The following PCDHA7 variants were observed in gnomAD, a reference collection of about 807,000 sequenced individuals.
PCDHA7 encodes the protein protocadherin alpha 7.
PCDHA7 carries 37 observed loss-of-function variants against 57.2 expected under a neutral mutation model. The ratio of observed to expected loss-of-function variants is 0.65; its 90% CI spans 0.50 to 0.85. The LOEUF is 0.85. Ranked by LOEUF, PCDHA7 falls within the 40% of genes least tolerant of loss-of-function variation. The pLI is 0.00. For synonymous variants in PCDHA7, 553 were observed against 558.8 expected (o/e 0.99, Z 0.15); for missense variants, 1,188 against 1,241.8 (o/e 0.96, Z 0.65).
chr5:140,993,460 TCTCA>T (rs200310897), intron 3 of PCDHA7, among the ~76,000 whole-genome samples: 2,027 of 104,544 alleles, frequency 0.019, 23 homozygotes, highest in Admixed American at 0.035. Flanking sequence ...CTTCTTTCTT[TCTCA>T]CACACACACA....
rs147440301 is a variant in PCDHA7, at chr5:140,924,523, G to A, written c.2356-54426G>A. On this transcript the variant is annotated intron_variant, in intron 1 of 3. Transcript: ENST00000525929. ...AATCCCACTCTTAGTGTTAAAAAGA[G>A]AATGCCCGAGCTACCCCTCTCCCCA... is the stretch of plus-strand genomic sequence containing the variant. Among the ~76,000 whole-genome samples, 1,224 of 152,202 alleles carry A rather than the reference G, an allele frequency of 8.0e-3. 6 individuals carry two copies. The highest frequency in any genetic ancestry group is 0.019 in the African/African-American group (791 of 41,530).
intron 1 of PCDHA7, among the ~76,000 whole-genome samples, chr5:140,895,297 T>TC (rs1269688627): frequency 1.3e-5 from 2 of 152,118 alleles, no homozygotes; most frequent in African/African-American, 2.4e-5. Context: ...ACCTTCGATT[T>TC]CCCCCCTTCC....
intron 1 of PCDHA7, among the ~76,000 whole-genome samples, chr5:140,872,147 A>G (rs182622131): frequency 6.6e-6 from 1 of 152,118 alleles, no homozygotes; most frequent in East Asian, 1.9e-4. Flanking sequence ...CTCCATTAGT[A>G]TGACATGATT....
rs575381539 is a variant in PCDHA7, at chr5:140,952,919, T to TGAGCAG, written c.2356-26018_2356-26013dup. On this transcript the variant is annotated intron_variant, in intron 1 of 3. Coordinates refer to ENST00000525929, the MANE Select transcript of PCDHA7 (RefSeq NM_018910.3). ...GGAATCAAGCTCATCTTACATGGCA[T>TGAGCAG]GAGCAGGAGCAGGAGCAAGAGAGAG... 2.3e-3 allele frequency among the ~76,000 whole-genome samples: 343 copies of TGAGCAG among 152,172 alleles called. 1 individual carries two copies. Among genetic ancestry groups the TGAGCAG allele is most frequent in the African/African-American group, 7.9e-3 (326 of 41,516 alleles).
At chr5:140,871,117 G>T in intron 1 of PCDHA7, 2 of 1,613,286 alleles carry the variant, frequency 1.2e-6, no homozygotes, top group Non-Finnish European at 1.7e-6. Flanking sequence ...GGTGGAGAGC[G>T]GACAGGCGCC....
At chr5:140,969,058 TG>T in intron 1 of PCDHA7, 2 of 1,614,166 alleles carry the variant, frequency 1.2e-6, no homozygotes, top group Non-Finnish European at 1.7e-6. Context: ...ACAACAATAT[TG>T]ATGCCAGGAT....
intron 1 of PCDHA7, chr5:140,849,231 C>T (rs2040825064): frequency 9.5e-7 from 1 of 1,049,088 alleles, no homozygotes; most frequent in Admixed American, 2.7e-5. Context: ...CGACAGAACC[C>T]TGTATACGGT....
chr5:140,884,737 T>C (rs1554181872), intron 1 of PCDHA7: 1 of 1,443,634 alleles, frequency 6.9e-7, no homozygotes, highest in Non-Finnish European at 9.1e-7. Context: ...AAGACATCTT[T>C]CCTGCCAATT....
At chr5:140,971,466 G>A (rs928383559) in intron 1 of PCDHA7, among the ~76,000 whole-genome samples, 2 of 152,144 alleles carry the variant, frequency 1.3e-5, no homozygotes, top group Non-Finnish European at 2.9e-5. Flanking sequence ...GCAGTTATAG[G>A]GAGAGAGTGT....
At chr5:140,843,632 G>T (rs2150363931) in intron 1 of PCDHA7, 1 of 1,595,968 alleles carries the variant, frequency 6.3e-7, no homozygotes, top group South Asian at 1.1e-5. Flanking sequence ...GGACCTCATG[G>T]CCTTCAGCCC....
Position 140,881,024 on chromosome 5 carries a change from A to G in PCDHA7, c.2355+44286A>G, listed in dbSNP as rs1330072249. Among the ~76,000 whole-genome samples the G allele has an allele frequency of 1.1e-4, 17 of 152,246 alleles. 1 individual carries two copies. Among genetic ancestry groups the G allele is most frequent in the Admixed American group, 5.2e-4 (8 of 15,290 alleles). ...GAGCAGAGCTATGGAAATAAACCCA[A>G]CAGTCATTTCCTATAGAGTTGTGCA... On this transcript the variant is annotated intron_variant, in intron 1 of 3. Coordinates refer to ENST00000525929, the MANE Select transcript of PCDHA7 (RefSeq NM_018910.3).
At chr5:140,983,885 T>C (rs74936593) in intron 3 of PCDHA7, among the ~76,000 whole-genome samples, 2,965 of 152,290 alleles carry the variant, frequency 0.019, 72 homozygotes, top group African/African-American at 0.056. Flanking sequence ...ACTGGCAACT[T>C]TAAGGGCATT....
At chr5:140,865,760 G>A (rs1470653142) in intron 1 of PCDHA7, 1 of 152,154 alleles carries the variant, frequency 6.6e-6, no homozygotes, top group African/African-American at 2.4e-5. Flanking sequence ...AGTACATGGT[G>A]GAGATATTAT....
chr5:140,843,381 T>C, intron 1 of PCDHA7: 1 of 1,596,090 alleles, frequency 6.3e-7, no homozygotes. Flanking sequence ...GCTGGCGTTT[T>C]GGGTCCGGAA....
intron 3 of PCDHA7, among the ~76,000 whole-genome samples, chr5:141,006,150 G>A (rs1035867146): frequency 1.1e-4 from 16 of 151,274 alleles, no homozygotes; most frequent in Admixed American, 6.6e-5. Flanking sequence ...AAGCAGAGGA[G>A]TGATATAATC....
chr5:140,877,867 T>A lies in PCDHA7; in HGVS notation c.2355+41129T>A, dbSNP rs782120587. 4.7e-6 allele frequency: 7 copies of A among 1,490,888 alleles called. No individual in the cohort carries two copies. The Admixed American group carries it at 1.7e-4, about 37-fold the overall frequency. 92.4% of individuals were successfully genotyped at this position (1,490,888 alleles called of 1,614,324 possible). A position where few individuals can be genotyped will look rare whatever the true frequency, so the allele number is the denominator to read the frequency against. On this transcript the variant is annotated intron_variant, in intron 1 of 3. Coordinates refer to ENST00000525929, the MANE Select transcript of PCDHA7 (RefSeq NM_018910.3). ...AAGTTATTAATATTATTTAGATATA[T>A]TTGTTTCCTTGAAGAACTTCCGTTT...
At chr5:140,908,422 C>T (rs1403455941) in intron 1 of PCDHA7, among the ~76,000 whole-genome samples, 1 of 152,176 alleles carries the variant, frequency 6.6e-6, no homozygotes, top group Non-Finnish European at 1.5e-5. Context: ...TGATGGAATG[C>T]TGCTGTGCGC....
chr5:140,973,242 ATTC>A (rs1295527172), intron 1 of PCDHA7, among the ~76,000 whole-genome samples: 1 of 152,170 alleles, frequency 6.6e-6, no homozygotes, highest in Non-Finnish European at 1.5e-5. Context: ...GAAAGAGTTA[ATTC>A]TTCTTTCAGT....
At chr5:140,946,752 A>C (rs1470208958) in intron 1 of PCDHA7, among the ~76,000 whole-genome samples, 1 of 151,470 alleles carries the variant, frequency 6.6e-6, no homozygotes, top group East Asian at 1.9e-4. Context: ...CAAATACTGC[A>C]TGATCTCATT....
Sources: gnomAD v4.1 joint callset for allele counts (sites outside exome capture counted in the v4.1 genomes callset) on GRCh38, gnomAD v4.1.1 for gene constraint, MANE v1.5 for transcripts, NCBI Gene and HGNC (gene_info 2026-07-23, HGNC 2026-07-21) for gene names.